The following FCHSD2 variants were observed in gnomAD, a reference collection of about 807,000 sequenced individuals.
FCHSD2 encodes the protein F-BAR and double SH3 domains protein 2.
In FCHSD2, 38 loss-of-function variants were observed where a neutral mutation model predicts 108.1. The observed-to-expected ratio is 0.35, with a 90% CI of 0.27 to 0.46. FCHSD2 has a LOEUF of 0.46. Ranked by LOEUF, FCHSD2 falls within the 20% of genes least tolerant of loss-of-function variation. The pLI, the probability that FCHSD2 is intolerant of heterozygous loss-of-function variation, is 1.00. For synonymous variants in FCHSD2, 279 were observed against 314.7 expected (o/e 0.89, Z 1.20); for missense variants, 751 against 897.8 (o/e 0.84, Z 2.09).
At chr11:73,041,628 T>C (rs1273819564) in intron 3 of FCHSD2, among the ~76,000 whole-genome samples, 1 of 152,190 alleles carries the variant, frequency 6.6e-6, no homozygotes, top group African/African-American at 2.4e-5. Flanking sequence ...GAGTTTCTTA[T>C]ATATTCTGGA....
At chr11:73,083,358 G>A (rs1006600144) in intron 3 of FCHSD2, among the ~76,000 whole-genome samples, 2 of 152,004 alleles carry the variant, frequency 1.3e-5, no homozygotes, top group South Asian at 2.1e-4. Context: ...AGACCATCCC[G>A]GCCAACATGG....
At chr11:73,035,201 T>TGTATGTATGTAC (rs1356352283) in intron 3 of FCHSD2, among the ~76,000 whole-genome samples, 12 of 86,312 alleles carry the variant, frequency 1.4e-4, no homozygotes, top group Admixed American at 1.1e-3. Flanking sequence ...TATGTATGTA[T>TGTATGTATGTAC]GTACGTACTA....
intron 13 of FCHSD2, among the ~76,000 whole-genome samples, chr11:72,856,088 G>C (rs148017817): frequency 6.6e-6 from 1 of 152,318 alleles, no homozygotes; most frequent in East Asian, 1.9e-4. Flanking sequence ...GGCAGGATTG[G>C]CCTTCATAGG....
intron 12 of FCHSD2, among the ~76,000 whole-genome samples, chr11:72,877,571 G>A (rs551845687): frequency 2.4e-4 from 37 of 152,216 alleles, no homozygotes; most frequent in African/African-American, 7.5e-4. Flanking sequence ...ACAAGAAGCA[G>A]AAAGTCTCTT....
intron 4 of FCHSD2, among the ~76,000 whole-genome samples, chr11:73,010,070 T>C (rs1448310450): frequency 2.0e-5 from 3 of 152,188 alleles, no homozygotes; most frequent in Non-Finnish European, 4.4e-5. Context: ...GTCCCATATA[T>C]CACAAAGGCT....
chr11:72,912,503 T>C (rs963675311), intron 9 of FCHSD2, among the ~76,000 whole-genome samples: 2 of 152,338 alleles, frequency 1.3e-5, no homozygotes, highest in East Asian at 3.9e-4. Context: ...ATCTTTTTAA[T>C]GCGTTGTTGA....
intron 9 of FCHSD2, among the ~76,000 whole-genome samples, chr11:72,913,787 C>T (rs1482046320): frequency 1.4e-5 from 2 of 147,982 alleles, no homozygotes; most frequent in Non-Finnish European, 3.0e-5. Context: ...AATGGACTCC[C>T]TTTCACAACT....
intron 9 of FCHSD2, among the ~76,000 whole-genome samples, chr11:72,917,018 T>A (rs764609625): frequency 2.8e-5 from 4 of 142,522 alleles, no homozygotes; most frequent in Admixed American, 1.5e-4. Flanking sequence ...AGAGTGTTGC[T>A]CTGTCGCCCA....
At chr11:72,975,535 T>C (rs971091645) in intron 8 of FCHSD2, among the ~76,000 whole-genome samples, 1 of 152,210 alleles carries the variant, frequency 6.6e-6, no homozygotes, top group Non-Finnish European at 1.5e-5. Flanking sequence ...CACTCCATGA[T>C]ATATAATAAA....
intron 4 of FCHSD2, among the ~76,000 whole-genome samples, chr11:73,010,558 G>A (rs1206723237): frequency 6.6e-6 from 1 of 152,222 alleles, no homozygotes; most frequent in Non-Finnish European, 1.5e-5. Flanking sequence ...ATGTTTTCCT[G>A]AAGATAGATC....
chr11:72,972,625 G>C (rs1283900722), intron 8 of FCHSD2, among the ~76,000 whole-genome samples: 1 of 152,182 alleles, frequency 6.6e-6, no homozygotes, highest in East Asian at 1.9e-4. Context: ...AATTACTTTA[G>C]AAGTTTGGTA....
chr11:73,086,796 A>C (rs1366148060), intron 2 of FCHSD2, among the ~76,000 whole-genome samples: 1 of 152,216 alleles, frequency 6.6e-6, no homozygotes, highest in East Asian at 1.9e-4. Context: ...TTAAATGAAA[A>C]CAGGAAATTA....
intron 2 of FCHSD2, among the ~76,000 whole-genome samples, chr11:73,133,066 T>C (rs1382878775): frequency 6.6e-6 from 1 of 152,086 alleles, no homozygotes; most frequent in Non-Finnish European, 1.5e-5. Flanking sequence ...CCACTTACAA[T>C]ATCACTTCAC....
chr11:73,059,339 T>C (rs1224271502), intron 3 of FCHSD2, among the ~76,000 whole-genome samples: 2 of 152,104 alleles, frequency 1.3e-5, no homozygotes, highest in African/African-American at 4.8e-5. Context: ...GTTTCCTTTT[T>C]AAAAAAGGAA....
chr11:73,034,536 T>G (rs188262611), intron 3 of FCHSD2, among the ~76,000 whole-genome samples: 1 of 152,344 alleles, frequency 6.6e-6, no homozygotes, highest in East Asian at 1.9e-4. Flanking sequence ...GATCAAAGTT[T>G]CCACTCTTGT....
At chr11:73,008,812 A>C (rs1430105460) in intron 4 of FCHSD2, among the ~76,000 whole-genome samples, 3 of 152,208 alleles carry the variant, frequency 2.0e-5, no homozygotes, top group Non-Finnish European at 4.4e-5. Flanking sequence ...CATGCAAACA[A>C]GCAGCTACTT....
intron 12 of FCHSD2, among the ~76,000 whole-genome samples, chr11:72,885,745 A>C (rs1464330723): frequency 2.0e-5 from 3 of 152,190 alleles, no homozygotes; most frequent in Admixed American, 1.3e-4. Context: ...CTTCTACCAC[A>C]GGCCAGTGTT....
intron 2 of FCHSD2, among the ~76,000 whole-genome samples, chr11:73,126,891 T>C (rs1294379359): frequency 1.3e-5 from 2 of 151,988 alleles, no homozygotes; most frequent in African/African-American, 4.8e-5. Flanking sequence ...TAAAAAAATT[T>C]GCCGAGCATC....
At chr11:72,952,606 T>G (rs1176114426) in intron 8 of FCHSD2, among the ~76,000 whole-genome samples, 1 of 152,214 alleles carries the variant, frequency 6.6e-6, no homozygotes, top group African/African-American at 2.4e-5. Flanking sequence ...GTTACAGATA[T>G]GAGCCACCAT....
Sources: allele counts gnomAD v4.1 joint callset (sites outside exome capture counted in the v4.1 genomes callset), GRCh38; gene constraint gnomAD v4.1.1; transcripts MANE v1.5; gene names NCBI Gene and HGNC (gene_info 2026-07-23, HGNC 2026-07-21).